POM121: variants seen among roughly 807,000 people sequenced by gnomAD.
POM121 encodes POM121 transmembrane nucleoporin, also known as nuclear envelope pore membrane protein POM 121.
A neutral mutation model predicts 81.3 loss-of-function variants in POM121; 32 were observed. The ratio of observed to expected loss-of-function variants is 0.39; its 90% CI spans 0.30 to 0.53. The LOEUF is 0.53. Ranked by LOEUF, POM121 falls within the 20% of genes least tolerant of loss-of-function variation. The probability of loss-of-function intolerance (pLI) is 0.66; values close to 1 mark genes in which losing one functional copy is unlikely to be tolerated. For missense variants in POM121, 1,138 were observed against 1,614.6 expected, an observed-to-expected ratio of 0.70 and a Z score of 5.06; for synonymous variants, 514 against 694.2, an observed-to-expected ratio of 0.74 and a Z score of 4.08.
At chr7:72,904,536 G>T (rs1185473144) in intron 3 of POM121, among the ~76,000 whole-genome samples, 1 of 152,160 alleles carries the variant, frequency 6.6e-6, no homozygotes, top group African/African-American at 2.4e-5. Context: ...TGAGAATAAG[G>T]TCTGCTCTGT....
chr7:72,948,238 T>TATGA lies in POM121; in HGVS notation c.*2008_*2011dup. On this transcript the variant is annotated 3_prime_UTR_variant, in exon 13 of 13. Coordinates refer to ENST00000434423, the MANE Select transcript of POM121 (RefSeq NM_001387691.1). The stretch of plus-strand genomic sequence containing the variant: ...TGTTGAGTCTAGTTGGAATTTTTAG[T>TATGA]ATGAATGTGAGATTTTTCTCCTGCT... 1 of 1,452,806 alleles carries TATGA rather than the reference T, an allele frequency of 6.9e-7. No individual in the cohort carries two copies. Among genetic ancestry groups the TATGA allele is most frequent in the African/African-American group, 1.4e-5 (1 of 69,386 alleles). The allele number at this position is 1,452,806 out of a possible 1,614,324, so 90.0% of individuals were successfully genotyped here. A position where few individuals can be genotyped will look rare whatever the true frequency, so the allele number is the denominator to read the frequency against.
At chr7:72,890,438 G>A (rs1487006277) in intron 1 of POM121, among the ~76,000 whole-genome samples, 2 of 150,350 alleles carry the variant, frequency 1.3e-5, no homozygotes, top group East Asian at 1.9e-4. Flanking sequence ...TGTGTTTTGG[G>A]TTTTTATTTT....
chr7:72,908,361 G>A (rs1335385736), intron 3 of POM121, among the ~76,000 whole-genome samples: 9 of 152,176 alleles, frequency 5.9e-5, no homozygotes, highest in African/African-American at 2.2e-4. Context: ...TTCAAAAGGG[G>A]AGGGAGTCTA....
chr7:72,943,418 C>G lies in POM121; in HGVS notation c.3425C>G (p.Pro1142Arg), dbSNP rs782161535. ...AGTGGGAGCACAGCCACCTCCACCC[C>G]CTTCGCAGGGGGCTTAGGTCAGAAC... ...GQSGSTATST[P>R]FAGGLGQNAL... is the part of the protein sequence containing the mutation. The change falls in exon 11 of 13, where the codon CCC becomes CGC. Residue 1142 changes from proline to arginine, a missense_variant. Physicochemically the swap from Pro to Arg is moderately radical, Grantham distance 103. Coordinates refer to ENST00000434423, the MANE Select transcript of POM121 (RefSeq NM_001387691.1). The G allele has an allele frequency of 2.5e-6, 4 of 1,612,792 alleles. No homozygotes were observed. The highest frequency in any genetic ancestry group is 1.7e-5 in the Admixed American group (1 of 59,906).
Position 72,946,385 on chromosome 7 carries a change from G to T in POM121, c.*151G>T. 2 of 1,437,120 alleles carry T rather than the reference G, an allele frequency of 1.4e-6. No individual in the cohort carries two copies. Among genetic ancestry groups the T allele is most frequent in the South Asian group, 3.0e-5 (2 of 66,260 alleles). 89.0% of individuals were successfully genotyped at this position (1,437,120 alleles called of 1,614,324 possible). A position where few individuals can be genotyped will look rare whatever the true frequency, so the allele number is the denominator to read the frequency against. On this transcript the variant is annotated 3_prime_UTR_variant, in exon 13 of 13. Coordinates refer to ENST00000434423, the MANE Select transcript of POM121 (RefSeq NM_001387691.1). ...GCCAGGGGGCAGTGGCAGCCCTGGG[G>T]CCCTTTCCCTTCTGGAGGAAGCACA...
At chr7:72,879,800 T>C (rs1789945240) in exon 1 of POM121, 3 of 500,466 alleles carry the variant, frequency 6.0e-6, no homozygotes, top group Non-Finnish European at 7.9e-6. Context: ...GGGAGGGGAC[T>C]TCGCGAGCAG....
downstream of POM121, chr7:72,950,512 A>C: frequency 9.7e-6 from 3 of 308,558 alleles, no homozygotes; most frequent in Non-Finnish European, 1.8e-5. Context: ...CCACAATTTA[A>C]TAAATGTTAG....
rs373272953 is a variant in POM121, at chr7:72,944,030, ACT to A, written c.3529+511_3529+512del. Among the ~76,000 whole-genome samples the A allele has an allele frequency of 1.3e-4, 20 of 152,140 alleles. No individual in the cohort carries two copies. The East Asian group carries it at 2.5e-3, about 19-fold the overall frequency. On this transcript the variant is annotated intron_variant, in intron 11 of 12. Transcript: ENST00000434423. ...ACTCCGGCCTGGGTGACAGAGCAAG[ACT>A]CTGTCTCAAAAAACAAACCGTAAGC...
At chr7:72,932,643 A>T (rs1451605893) in intron 5 of POM121, among the ~76,000 whole-genome samples, 1 of 152,214 alleles carries the variant, frequency 6.6e-6, no homozygotes, top group Non-Finnish European at 1.5e-5. Flanking sequence ...CCCCCTACAG[A>T]GCATGCACCA....
At chr7:72,926,070 C>G (rs1207452107) in intron 1 of POM121, among the ~76,000 whole-genome samples, 192 bp from the exon 2 acceptor site, 2 of 152,164 alleles carry the variant, frequency 1.3e-5, no homozygotes, top group Admixed American at 1.3e-4. Flanking sequence ...GTTGAGACAG[C>G]TGTTAAGCAG....
At chr7:72,945,185 A>G (rs1356082099) in intron 11 of POM121, among the ~76,000 whole-genome samples, 1 of 152,106 alleles carries the variant, frequency 6.6e-6, no homozygotes, top group African/African-American at 2.4e-5. Context: ...ATCACAAAAG[A>G]CGCGGGACGG....
At chr7:72,909,515 A>G (rs1793600010) in intron 3 of POM121, among the ~76,000 whole-genome samples, 1 of 152,212 alleles carries the variant, frequency 6.6e-6, no homozygotes, top group Admixed American at 6.5e-5. Flanking sequence ...ATTAGCAGGC[A>G]CTCAACCTGT....
At chr7:72,923,657 T>C (rs1257699135), upstream of POM121, among the ~76,000 whole-genome samples, 4 of 132,048 alleles carry the variant, frequency 3.0e-5, no homozygotes, top group African/African-American at 1.2e-4. Flanking sequence ...TGGAGTGCAG[T>C]GGCGGGATCT....
intron 5 of POM121, among the ~76,000 whole-genome samples, chr7:72,934,379 C>T (rs1429302598): frequency 2.0e-5 from 3 of 152,238 alleles, no homozygotes; most frequent in East Asian, 3.8e-4. Flanking sequence ...GCCACCACAC[C>T]TGGCCCCAAG....
At position 72,926,850 on chromosome 7, in the gene POM121, C is replaced by T; in HGVS notation, c.909C>T (p.Ala303=). The change falls in exon 3 of 13, where the codon GCC becomes GCT. Residue 303 remains alanine (A), a synonymous_variant. Transcript: ENST00000434423. ...CACTGTCCTCACCATCAAGTAACGCCCCAGACCCATGTGCAAAGGAGACAG... is the reference window on the plus strand; with the variant it reads ...CACTGTCCTCACCATCAAGTAACGCTCCAGACCCATGTGCAAAGGAGACAG... ...SSTLSSPSSN[A]PDPCAKETVL... is the part of the protein sequence containing the mutation. 6.2e-7 allele frequency: 1 copy of T among 1,613,912 alleles called. No individual in the cohort carries two copies. Among genetic ancestry groups the T allele is most frequent in the Non-Finnish European group, 8.5e-7 (1 of 1,179,868 alleles).
chr7:72,890,318 G>A (rs1209554434), intron 1 of POM121, among the ~76,000 whole-genome samples: 1 of 152,170 alleles, frequency 6.6e-6, no homozygotes, highest in Non-Finnish European at 1.5e-5. Flanking sequence ...GCTTGTGTTT[G>A]TTTACATGTT....
At chr7:72,897,443 C>T (rs1463493681) in intron 3 of POM121, among the ~76,000 whole-genome samples, 3 of 152,102 alleles carry the variant, frequency 2.0e-5, no homozygotes, top group African/African-American at 7.2e-5. Context: ...AGTTGAGATC[C>T]AAGAGGGAGC....
At chr7:72,935,883 T>C (rs1796462904) in intron 5 of POM121, among the ~76,000 whole-genome samples, 1 of 152,266 alleles carries the variant, frequency 6.6e-6, no homozygotes, top group Non-Finnish European at 1.5e-5. Context: ...CAACTGATTT[T>C]GTATTCAGAA....
chr7:72,906,540 A>G (rs1321317810), intron 3 of POM121, among the ~76,000 whole-genome samples: 1 of 151,910 alleles, frequency 6.6e-6, no homozygotes, highest in East Asian at 1.9e-4. Context: ...GATTCCAATC[A>G]CTCTTTCTAG....
Sources: allele counts gnomAD v4.1 joint callset (sites outside exome capture counted in the v4.1 genomes callset), GRCh38; gene constraint gnomAD v4.1.1; transcripts MANE v1.5; gene names NCBI Gene and HGNC (gene_info 2026-07-23, HGNC 2026-07-21).